Variants in ERVK3-1 observed in about 807,000 individuals in gnomAD.
ERVK3-1 encodes endogenous retrovirus group K3 member 1.
In ERVK3-1 at chr19:58,314,479, T is replaced by A. The variant is rs563208240; in HGVS notation, c.295-269T>A. 2.2e-4 allele frequency among the ~76,000 whole-genome samples: 33 copies of A among 151,914 alleles called. No individual in the cohort carries two copies. The East Asian group carries it at 5.8e-3, about 27-fold the overall frequency. On this transcript the variant is annotated intron_variant, in intron 3 of 3. Transcript: ENST00000413518. ...ATCTCTACTAAAAATACAAAAAAAT[T>A]AGCTGGGTGTGGTGGCGGGCACCTG...
At chr19:58,311,675 A>G (rs1010094063) in intron 2 of ERVK3-1, 1 of 152,120 alleles carries the variant, frequency 6.6e-6, no homozygotes. Flanking sequence ...ACTTACTCCC[A>G]TATGTTACAT....
chr19:58,308,826 CAT>C (rs2051540010), intron 2 of ERVK3-1, among the ~76,000 whole-genome samples: 1 of 152,156 alleles, frequency 6.6e-6, no homozygotes, highest in Non-Finnish European at 1.5e-5. Flanking sequence ...GGATGCAGGA[CAT>C]ATAAAAGTAT....
At position 58,308,524 on chromosome 19, in the gene ERVK3-1, C is replaced by T. The variant is rs144007030; in HGVS notation, c.-4+2308C>T. Among the ~76,000 whole-genome samples the T allele has an allele frequency of 2.0e-5, 3 of 152,222 alleles. No individual in the cohort carries two copies. The East Asian group carries it at 5.8e-4, about 29-fold the overall frequency. ...CTTACAGCATGGGATGTGAGACTTA[C>T]AAATGAAAAGGTTGATAATCCAGGA... On this transcript the variant is annotated intron_variant, in intron 2 of 3. Transcript: ENST00000413518.
At chr19:58,311,909 A>G (rs1319706681) in intron 2 of ERVK3-1, 1 of 293,182 alleles carries the variant, frequency 3.4e-6, no homozygotes, top group Non-Finnish European at 6.3e-6. Context: ...AAACACTACA[A>G]CGCATGCTGA....
intron 2 of ERVK3-1, chr19:58,309,293 A>G (rs918724202): frequency 2.0e-5 from 3 of 152,248 alleles, no homozygotes; most frequent in Non-Finnish European, 4.4e-5. Context: ...ATTCAGAGAA[A>G]TAAAATGGGC....
chr19:58,308,303 A>G (rs2051537054), intron 2 of ERVK3-1, among the ~76,000 whole-genome samples: 1 of 152,246 alleles, frequency 6.6e-6, no homozygotes, highest in African/African-American at 2.4e-5. Context: ...GTATGGACAC[A>G]GGAGCAGATG....
At chr19:58,305,601 C>A (rs1007749100) in intron 1 of ERVK3-1, among the ~76,000 whole-genome samples, 156 bp downstream of exon 1, 1 of 151,858 alleles carries the variant, frequency 6.6e-6, no homozygotes, top group African/African-American at 2.4e-5. Context: ...GCGCGCGGTG[C>A]GTGAGGGCGC....
intron 2 of ERVK3-1, chr19:58,308,999 TGTA>T (rs1218661234): frequency 6.6e-6 from 1 of 152,202 alleles, no homozygotes; most frequent in Non-Finnish European, 1.5e-5. Flanking sequence ...ATTAGCCTCT[TGTA>T]GTAATAGATC....
chr19:58,310,919 G>C lies in ERVK3-1; in HGVS notation c.-3-1247G>C. ...TAGACCACGGTCTTCCCAAACGCTG[G>C]CGTCACCACTAGACCAAGGAGCCCT... On this transcript the variant is annotated intron_variant, in intron 2 of 3. Transcript: ENST00000413518. This position sits in a 1 kb window ranked among gnomAD's most constrained non-coding sequence, Gnocchi z 4.7. The C allele has an allele frequency of 2.7e-6, 1 of 372,588 alleles. No individual in the cohort carries two copies. Among genetic ancestry groups the C allele is most frequent in the Non-Finnish European group, 5.5e-6 (1 of 181,102 alleles). The allele number at this position is 372,588 out of a possible 1,614,324, so 23.1% of individuals were successfully genotyped here. A position where few individuals can be genotyped will look rare whatever the true frequency, so the allele number is the denominator to read the frequency against.
chr19:58,316,558 C>T (rs1398331934), downstream of ERVK3-1, among the ~76,000 whole-genome samples: 7 of 152,158 alleles, frequency 4.6e-5, no homozygotes, highest in African/African-American at 1.7e-4. Context: ...GTAATCCCAG[C>T]TACTCGGGAG....
At chr19:58,309,456 A>T (rs185696473) in intron 2 of ERVK3-1, 35 of 152,354 alleles carry the variant, frequency 2.3e-4, no homozygotes, top group African/African-American at 7.7e-4. Context: ...AACTTAGGGG[A>T]TATTAATTGG....
chr19:58,309,657 T>A (rs537578507), intron 2 of ERVK3-1: 182 of 152,360 alleles, frequency 1.2e-3, no homozygotes, highest in African/African-American at 4.3e-3. Context: ...TTTTGTTTAT[T>A]CTTCCTACCC....
In ERVK3-1 at chr19:58,313,042, G is replaced by A. The variant is rs2051567138; in HGVS notation, c.294+580G>A. 1 of 152,236 alleles carries A rather than the reference G, an allele frequency of 6.6e-6. No homozygotes were observed. The highest frequency in any genetic ancestry group is 1.5e-5 in the Non-Finnish European group (1 of 68,060). The allele number at this position is 152,236 out of a possible 1,614,324, so 9.4% of individuals were successfully genotyped here. A position where few individuals can be genotyped will look rare whatever the true frequency, so the allele number is the denominator to read the frequency against. On this transcript the variant is annotated intron_variant, in intron 3 of 3. Coordinates refer to ENST00000413518, the Ensembl canonical transcript of ERVK3-1. This position sits in a 1 kb window ranked among gnomAD's most constrained non-coding sequence, Gnocchi z 4.5. ...CTTCATCACATCACACTGGGATTCA[G>A]TCCCCCAGTTGGCTGCACAACTTGC...
downstream of ERVK3-1, among the ~76,000 whole-genome samples, chr19:58,316,083 G>A (rs1159537770): frequency 6.6e-6 from 1 of 152,126 alleles, no homozygotes; most frequent in Middle Eastern, 3.2e-3. Flanking sequence ...GGTAGATGGT[G>A]GGGTGGCAGT....
chr19:58,306,772 T>G (rs2051526612), intron 2 of ERVK3-1: 1 of 152,158 alleles, frequency 6.6e-6, no homozygotes, highest in South Asian at 2.1e-4. Context: ...TCCTATTACC[T>G]TAAGGCCTGA....
In ERVK3-1 at chr19:58,312,056, A is replaced by G. The variant is rs1015191048; in HGVS notation, c.-3-110A>G. 3 of 397,804 alleles carry G rather than the reference A, an allele frequency of 7.5e-6. No homozygotes were observed. Among genetic ancestry groups the G allele is most frequent in the African/African-American group, 6.2e-5 (3 of 48,614 alleles). The allele number at this position is 397,804 out of a possible 1,614,324, so 24.6% of individuals were successfully genotyped here. On this transcript the variant is annotated intron_variant, in intron 2 of 3. Coordinates refer to ENST00000413518, the Ensembl canonical transcript of ERVK3-1. The surrounding 1 kb of genome is among the most constrained non-coding windows in gnomAD (Gnocchi z 4.7). ...AACGACACTGGCAACTGCTAGAGGA[A>G]AAGAGGCAAGTTTATCCAAAAGTGT... is the stretch of plus-strand genomic sequence containing the variant.
rs2051565304 is a variant in ERVK3-1, at chr19:58,312,753, G to T, written c.294+291G>T. Among the ~76,000 whole-genome samples, 1 of 152,116 alleles carries T rather than the reference G, an allele frequency of 6.6e-6. No individual in the cohort carries two copies. The highest frequency in any genetic ancestry group is 1.5e-5 in the Non-Finnish European group (1 of 68,014). ...CATGGAAAAATTATGTATTTATTAG[G>T]CCTCAGCTTTATTAATGTTACTGGC... is the stretch of plus-strand genomic sequence containing the variant. On this transcript the variant is annotated intron_variant, in intron 3 of 3. Transcript: ENST00000413518. The surrounding 1 kb of genome is among the most constrained non-coding windows in gnomAD (Gnocchi z 4.7).
chr19:58,314,552 G>A (rs112567465), intron 3 of ERVK3-1, among the ~76,000 whole-genome samples, 196 bp from the exon 4 acceptor site: 2,835 of 148,880 alleles, frequency 0.019, 95 homozygotes, highest in African/African-American at 0.066. Flanking sequence ...ACGTGAACCC[G>A]GGAGGCAGAG....
chr19:58,314,459 T>C (rs1289819234), intron 3 of ERVK3-1, among the ~76,000 whole-genome samples: 1 of 151,872 alleles, frequency 6.6e-6, no homozygotes, highest in Non-Finnish European at 1.5e-5. Flanking sequence ...ACCCCATCTC[T>C]ACTAAAAATA....
Sources: allele counts gnomAD v4.1 joint callset (sites outside exome capture counted in the v4.1 genomes callset), GRCh38; gene constraint gnomAD v4.1.1; non-coding constraint Gnocchi (gnomAD v3.1); transcripts MANE v1.5; gene names NCBI Gene and HGNC (gene_info 2026-07-23, HGNC 2026-07-21).